The following SLC35D1 variants were observed in gnomAD, a reference collection of about 807,000 sequenced individuals.
The protein encoded by SLC35D1 is nucleotide sugar transporter SLC35D1.
A neutral mutation model predicts 46.7 loss-of-function variants in SLC35D1; 31 were observed. That is an observed-to-expected ratio of 0.66 (90% CI 0.50 to 0.90). The LOEUF (loss-of-function observed/expected upper bound fraction) is 0.90, where lower values mean the gene tolerates loss of function less well. Among genes scored for constraint, SLC35D1 ranks in the 40% least tolerant of loss-of-function variants. The pLI is 0.00. For missense variants in SLC35D1, 397 were observed against 426.2 expected, an observed-to-expected ratio of 0.93 and a Z score of 0.60; for synonymous variants, 195 against 164.6, an observed-to-expected ratio of 1.18 and a Z score of -1.41.
rs117437548 is a variant in SLC35D1 at position 67,049,455 on chromosome 1, A to C, written c.533+327T>G. On this transcript the variant is annotated intron_variant, in intron 6 of 11. Coordinates refer to ENST00000235345, the MANE Select transcript of SLC35D1 (RefSeq NM_015139.3). ...ACTATAAAATAGGAAAATTATACCC[A>C]TACCTCTCAGAGGTGTTGTGAAGAA... Among the ~76,000 whole-genome samples the C allele has an allele frequency of 1.9e-3, 291 of 152,308 alleles. 9 individuals are homozygous for C. In the East Asian group the frequency reaches 0.045, roughly 24 times the overall value.
Position 67,009,270 on chromosome 1 carries a change from TAAAC to T in SLC35D1, c.877-107_877-104del, listed in dbSNP as rs992202216. 6 of 453,252 alleles carry T rather than the reference TAAAC, an allele frequency of 1.3e-5. No individual in the cohort carries two copies. The Admixed American group carries it at 1.5e-4, about 11-fold the overall frequency. 28.1% of individuals were successfully genotyped at this position (453,252 alleles called of 1,614,324 possible). A position where few individuals can be genotyped will look rare whatever the true frequency, so the allele number is the denominator to read the frequency against. On this transcript the variant is annotated intron_variant, in intron 10 of 11. Transcript: ENST00000235345. ...TCTGTCCTTAAAATACAAAAACAAA[TAAAC>T]AAAAGACAAACAATGAAAACGCACC...
Position 67,020,430 on chromosome 1 carries a change from G to A in SLC35D1, c.815C>T (p.Ala272Val). The change falls in exon 10 of 12, where the codon GCC becomes GTC. Residue 272 changes from alanine to valine, a missense_variant. Ala to Val is a moderately conservative substitution (Grantham distance 64). Coordinates refer to ENST00000235345, the MANE Select transcript of SLC35D1 (RefSeq NM_015139.3). ...SCVMGFILMY[A>V]TVLCTQYNSA... ...ATTATACTGCGTGCAGAGTACTGTG[G>A]CGTACATTAAGATAAACCTAGAATG... is the stretch of plus-strand genomic sequence containing the variant. 1 of 1,609,098 alleles carries A rather than the reference G, an allele frequency of 6.2e-7. No homozygotes were observed. The highest frequency in any genetic ancestry group is 8.5e-7 in the Non-Finnish European group (1 of 1,175,566).
the SLC35D1 span, among the ~76,000 whole-genome samples, chr1:66,979,342 T>C: frequency 2.0e-5 from 3 of 152,218 alleles, no homozygotes; most frequent in Admixed American, 6.5e-5. Flanking sequence ...TTTCTCATCC[T>C]TCTTTTTAGG....
the SLC35D1 span, chr1:66,984,708 T>TA: frequency 6.2e-7 from 1 of 1,613,980 alleles, no homozygotes; most frequent in South Asian, 1.1e-5. Context: ...ATGAAACAGA[T>TA]AACCTTACCA....
chr1:67,033,767 A>G (rs1334028342), intron 8 of SLC35D1, among the ~76,000 whole-genome samples: 1 of 152,210 alleles, frequency 6.6e-6, no homozygotes, highest in African/African-American at 2.4e-5. Context: ...TGCCCAGTCC[A>G]ATATGCTGGA....
chr1:67,048,025 A>G (rs1645269626), intron 6 of SLC35D1, among the ~76,000 whole-genome samples: 1 of 152,250 alleles, frequency 6.6e-6, no homozygotes, highest in Non-Finnish European at 1.5e-5. Context: ...TGAAAATCTG[A>G]GAAAGGTATG....
chr1:67,024,773 T>G (rs923651376), intron 8 of SLC35D1, among the ~76,000 whole-genome samples: 1 of 152,092 alleles, frequency 6.6e-6, no homozygotes, highest in African/African-American at 2.4e-5. Flanking sequence ...AAGCAAGGTC[T>G]TGCTTTGTCA....
At chr1:67,008,796 C>T (rs945577539) in intron 11 of SLC35D1, among the ~76,000 whole-genome samples, 19 of 152,018 alleles carry the variant, frequency 1.2e-4, no homozygotes, top group African/African-American at 3.4e-4. Context: ...TTTGTAGAGA[C>T]GGGGTTTCAC....
the SLC35D1 span, chr1:66,984,535 T>C: frequency 6.8e-7 from 1 of 1,476,260 alleles, no homozygotes; most frequent in Non-Finnish European, 9.1e-7. Context: ...TTAACTTTTT[T>C]CTAATTGTGG....
At chr1:67,006,752 T>G (rs536907199) in intron 11 of SLC35D1, among the ~76,000 whole-genome samples, 7 of 152,174 alleles carry the variant, frequency 4.6e-5, no homozygotes, top group Non-Finnish European at 1.0e-4. Context: ...CTAGGTTGAG[T>G]ATCTCTTATC....
At chr1:67,016,399 T>C (rs1355269041) in intron 10 of SLC35D1, among the ~76,000 whole-genome samples, 2 of 152,086 alleles carry the variant, frequency 1.3e-5, no homozygotes, top group Non-Finnish European at 1.5e-5. Context: ...CCCTGATAAG[T>C]AGTTGTAAAT....
At position 67,052,793 on chromosome 1, in the gene SLC35D1, A is replaced by C; in HGVS notation, c.302T>G (p.Leu101Arg). 1 of 1,614,246 alleles carries C rather than the reference A, an allele frequency of 6.2e-7. No homozygotes were observed. Among genetic ancestry groups the C allele is most frequent in the Non-Finnish European group, 8.5e-7 (1 of 1,180,042 alleles). Residue 101 changes from leucine to arginine, a missense_variant, in exon 3 of 12, where the codon CTT becomes CGT. Transcript: ENST00000235345. ...TACCTTTCGAGGTACATTTCTGTCA[A>C]GGTCAGGAAACTTGACTACTCTGAG... is the stretch of plus-strand genomic sequence containing the variant. ...KALRVVKFPD[L>R]DRNVPRKTFP...
chr1:66,979,661 A>G, the SLC35D1 span, among the ~76,000 whole-genome samples: 1 of 152,216 alleles, frequency 6.6e-6, no homozygotes, highest in African/African-American at 2.4e-5. Flanking sequence ...ATTAATCTTT[A>G]GGAAACAATG....
intron 7 of SLC35D1, among the ~76,000 whole-genome samples, chr1:67,045,985 C>G (rs1645247269): frequency 6.6e-6 from 1 of 152,124 alleles, no homozygotes; most frequent in African/African-American, 2.4e-5. Context: ...TACCTTTTCT[C>G]TAGCTATTTT....
At chr1:66,981,082 G>T in the SLC35D1 span, among the ~76,000 whole-genome samples, 1 of 114,644 alleles carries the variant, frequency 8.7e-6, no homozygotes, top group East Asian at 2.0e-4. Flanking sequence ...CAATAACCAT[G>T]TGTGTTAGAC....
At chr1:66,975,195 T>C in the SLC35D1 span, among the ~76,000 whole-genome samples, 3 of 152,180 alleles carry the variant, frequency 2.0e-5, no homozygotes, top group Non-Finnish European at 4.4e-5. Flanking sequence ...AAGAAGTATA[T>C]TGCATCCAGA....
At position 67,000,786 on chromosome 1, in the gene SLC35D1, T is replaced by A. The variant is rs1291163479; in HGVS notation, c.*3554A>T. ...TTACAATTTTGGGAAAGCAAGAACA[T>A]GTACAGTAGAGGAGGAGGCCTCAAG... On this transcript the variant is annotated 3_prime_UTR_variant, in exon 12 of 12. Coordinates refer to ENST00000235345, the MANE Select transcript of SLC35D1 (RefSeq NM_015139.3). 1 of 152,306 alleles carries A rather than the reference T, an allele frequency of 6.6e-6. No homozygotes were observed. Among genetic ancestry groups the A allele is most frequent in the Admixed American group, 6.5e-5 (1 of 15,284 alleles). The allele number at this position is 152,306 out of a possible 1,614,324, so 9.4% of individuals were successfully genotyped here.
At chr1:67,023,395 C>T (rs1388786362) in intron 8 of SLC35D1, among the ~76,000 whole-genome samples, 1 of 152,062 alleles carries the variant, frequency 6.6e-6, no homozygotes, top group Non-Finnish European at 1.5e-5. Flanking sequence ...TTTTAATTTG[C>T]ATTTCCCTAA....
At chr1:67,047,223 A>C (rs1645261315) in intron 7 of SLC35D1, 42 bp downstream of exon 7, 1 of 1,484,512 alleles carries the variant, frequency 6.7e-7, no homozygotes, top group Non-Finnish European at 9.4e-7. Context: ...TTGACATGCC[A>C]ACATCAGTAC....
Sources: gnomAD v4.1 joint callset for allele counts (sites outside exome capture counted in the v4.1 genomes callset) on GRCh38, gnomAD v4.1.1 for gene constraint, MANE v1.5 for transcripts, NCBI Gene and HGNC (gene_info 2026-07-23, HGNC 2026-07-21) for gene names.